The following TMEM117 variants were observed in gnomAD, a reference collection of about 807,000 sequenced individuals.
The protein encoded by TMEM117 is transmembrane protein 117.
TMEM117 carries 27 observed loss-of-function variants against 52.4 expected under a neutral mutation model. The observed-to-expected ratio is 0.51, with a 90% CI of 0.38 to 0.71. TMEM117 has a LOEUF of 0.71. Among genes scored for constraint, TMEM117 ranks in the 30% least tolerant of loss-of-function variants. The pLI is 0.00. For synonymous variants in TMEM117, 215 were observed against 206.3 expected, an observed-to-expected ratio of 1.04 and a Z score of -0.36; for missense variants, 556 against 630.5, an observed-to-expected ratio of 0.88 and a Z score of 1.26.
chr12:43,963,822 T>C (rs1945442541), intron 3 of TMEM117, among the ~76,000 whole-genome samples: 1 of 152,186 alleles, frequency 6.6e-6, no homozygotes, highest in Admixed American at 6.5e-5. Context: ...GTCAGGAGTT[T>C]TGGAGAATTT....
chr12:44,206,150 A>ATG (rs1949563176), intron 4 of TMEM117, among the ~76,000 whole-genome samples: 1 of 152,170 alleles, frequency 6.6e-6, no homozygotes, highest in African/African-American at 2.4e-5. Context: ...TCTAGGGTAC[A>ATG]TGTGCACAAC....
chr12:44,203,812 T>G (rs1325170946), intron 4 of TMEM117, among the ~76,000 whole-genome samples: 3 of 152,086 alleles, frequency 2.0e-5, no homozygotes, highest in Non-Finnish European at 4.4e-5. Flanking sequence ...GGTTTGAGAG[T>G]GTAGTTGGTA....
intron 2 of TMEM117, among the ~76,000 whole-genome samples, chr12:43,860,440 A>G (rs1257990639): frequency 6.6e-6 from 1 of 152,212 alleles, no homozygotes; most frequent in African/African-American, 2.4e-5. Context: ...ATAAATCATT[A>G]TATATTATAT....
chr12:44,120,096 C>T (rs140758587), intron 3 of TMEM117, among the ~76,000 whole-genome samples: 1 of 151,852 alleles, frequency 6.6e-6, no homozygotes, highest in African/African-American at 2.4e-5. Context: ...AGCACCTGGG[C>T]AATTGTCTGG....
chr12:44,211,838 A>C (rs1949649504), intron 5 of TMEM117, among the ~76,000 whole-genome samples: 1 of 152,204 alleles, frequency 6.6e-6, no homozygotes, highest in Non-Finnish European at 1.5e-5. Flanking sequence ...TTAGCTCTCC[A>C]GCCCAATCTT....
chr12:43,969,643 T>C (rs1329197903), intron 3 of TMEM117, among the ~76,000 whole-genome samples: 1 of 152,150 alleles, frequency 6.6e-6, no homozygotes, highest in Non-Finnish European at 1.5e-5. Context: ...TGAATATTCC[T>C]TCTCTCTCAC....
intron 2 of TMEM117, among the ~76,000 whole-genome samples, chr12:43,866,998 G>A (rs1943612375): frequency 6.6e-6 from 1 of 152,000 alleles, no homozygotes. Context: ...GTTGAAGCAG[G>A]AGAATCGCTT....
chr12:44,269,612 T>C (rs1228599794), intron 5 of TMEM117, among the ~76,000 whole-genome samples: 2 of 152,082 alleles, frequency 1.3e-5, no homozygotes, highest in Admixed American at 6.6e-5. Context: ...TTTCACATTG[T>C]TAAAATTAAA....
At chr12:44,078,831 G>A (rs1356034004) in intron 3 of TMEM117, among the ~76,000 whole-genome samples, 1 of 151,642 alleles carries the variant, frequency 6.6e-6, no homozygotes, top group Non-Finnish European at 1.5e-5. Flanking sequence ...CCTACATTAG[G>A]TATTTCTTCT....
At chr12:43,837,639 C>T (rs376758060) in intron 1 of TMEM117, among the ~76,000 whole-genome samples, 2 of 152,146 alleles carry the variant, frequency 1.3e-5, no homozygotes, top group East Asian at 1.9e-4. Flanking sequence ...GCCACTGCTC[C>T]GGGCTGGCAA....
chr12:43,897,770 CTAATTT>C (rs577448454), intron 2 of TMEM117, among the ~76,000 whole-genome samples: 1 of 76,108 alleles, frequency 1.3e-5, no homozygotes, highest in African/African-American at 3.2e-5. Context: ...CCATGCCCAG[CTAATTT>C]TTGTATTTTT....
intron 1 of TMEM117, among the ~76,000 whole-genome samples, chr12:43,842,904 A>G (rs1943138860): frequency 6.6e-6 from 1 of 152,146 alleles, no homozygotes; most frequent in Admixed American, 6.5e-5. Context: ...AGGTGCAAGG[A>G]GTTGATCTGG....
At chr12:44,237,554 T>C (rs1950012210) in intron 5 of TMEM117, among the ~76,000 whole-genome samples, 1 of 151,936 alleles carries the variant, frequency 6.6e-6, no homozygotes, top group Non-Finnish European at 1.5e-5. Context: ...CCATCTCTAA[T>C]AAAAATACAA....
At chr12:43,935,999 T>C (rs1196636334) in intron 2 of TMEM117, among the ~76,000 whole-genome samples, 1 of 151,860 alleles carries the variant, frequency 6.6e-6, no homozygotes, top group African/African-American at 2.4e-5. Context: ...GAGGGAAGTA[T>C]GGGTCAAATT....
intron 6 of TMEM117, among the ~76,000 whole-genome samples, chr12:44,332,823 C>T (rs534822399): frequency 2.2e-4 from 33 of 151,246 alleles, no homozygotes; most frequent in Admixed American, 6.6e-4. Context: ...TCAGCATTTC[C>T]CAGCATTTTC....
intron 3 of TMEM117, among the ~76,000 whole-genome samples, chr12:44,114,252 G>T (rs1267751805): frequency 1.3e-5 from 2 of 152,052 alleles, no homozygotes; most frequent in Non-Finnish European, 2.9e-5. Context: ...ATTTAAATAA[G>T]TTTAAATTTT....
upstream of TMEM117, among the ~76,000 whole-genome samples, chr12:43,831,440 C>T (rs1747455281): frequency 6.7e-6 from 1 of 149,520 alleles, no homozygotes; most frequent in Non-Finnish European, 1.5e-5. Context: ...GAGCATTGAT[C>T]TTGTCTTTTT....
intron 3 of TMEM117, among the ~76,000 whole-genome samples, chr12:44,037,149 G>A (rs987299101): frequency 6.6e-6 from 1 of 152,094 alleles, no homozygotes. Context: ...AGGTGAAGCT[G>A]CAGCCACCCA....
intron 6 of TMEM117, among the ~76,000 whole-genome samples, chr12:44,304,292 G>A (rs746702565): frequency 6.6e-6 from 1 of 152,204 alleles, no homozygotes; most frequent in Non-Finnish European, 1.5e-5. Context: ...CACACATAGA[G>A]AGCATCTAGA....
Sources: allele counts gnomAD v4.1 joint callset (sites outside exome capture counted in the v4.1 genomes callset), GRCh38; gene constraint gnomAD v4.1.1; transcripts MANE v1.5; gene names NCBI Gene and HGNC (gene_info 2026-07-23, HGNC 2026-07-21).